Variants in MOB3C observed in about 807,000 individuals in gnomAD.
MOB3C encodes the protein MOB1, Mps One Binder kinase activator-like 2C.
In MOB3C, 17 loss-of-function variants were observed where a neutral mutation model predicts 19.8. The observed-to-expected ratio is 0.86, with a 90% CI of 0.59 to 1.29. The LOEUF is 1.29. Ranked by LOEUF, MOB3C falls within the 50% of genes most tolerant of loss-of-function variation. MOB3C has a pLI of 0.00. For missense variants in MOB3C, 291 were observed against 301.9 expected, an observed-to-expected ratio of 0.96 and a Z score of 0.27; for synonymous variants, 101 against 119.2, an observed-to-expected ratio of 0.85 and a Z score of 0.99.
At chr1:46,609,923 T>A (rs1675433502) in intron 3 of MOB3C, 79 bp downstream of exon 3, 2 of 1,522,668 alleles carry the variant, frequency 1.3e-6, no homozygotes, top group South Asian at 2.3e-5. Context: ...GCGTTGGAGT[T>A]ACTTAAAGCA....
chr1:46,607,823 C>G lies in MOB3C; in HGVS notation c.*1832G>C, dbSNP rs1250947070. 6.6e-6 allele frequency: 1 copy of G among 152,224 alleles called. No individual in the cohort carries two copies. Among genetic ancestry groups the G allele is most frequent in the Admixed American group, 6.5e-5 (1 of 15,284 alleles). 9.4% of individuals were successfully genotyped at this position (152,224 alleles called of 1,614,324 possible). A position where few individuals can be genotyped will look rare whatever the true frequency, so the allele number is the denominator to read the frequency against. ...CCCTCCCCCTATCCCAGAAATCAGC[C>G]CTTGCCACAGCCTAGAATCCATCAT... is the stretch of plus-strand genomic sequence containing the variant. On this transcript the variant is annotated 3_prime_UTR_variant, in exon 4 of 4. Coordinates refer to ENST00000319928, the MANE Select transcript of MOB3C (RefSeq NM_201403.3).
At position 46,613,248 on chromosome 1, in the gene MOB3C, G is replaced by C. The variant is rs1311066634; in HGVS notation, c.74C>G (p.Thr25Arg). The stretch of plus-strand genomic sequence containing the variant: ...CTTCTTGTACAGCTCAAAGCGCTGT[G>C]TGCCCGGCTCAAAGCGCTTCCGCGG... The part of the protein sequence containing the change: ...FRPRKRFEPG[T>R]QRFELYKKAQ... The change falls in exon 2 of 4, where the codon ACA (threonine) becomes AGA (arginine). Residue 25 changes from threonine to arginine, a missense_variant. By Grantham distance (71) the Thr-to-Arg change is moderately conservative. Transcript: ENST00000319928. 3 of 1,613,922 alleles carry C rather than the reference G, an allele frequency of 1.9e-6. No individual in the cohort carries two copies. The highest frequency in any genetic ancestry group is 2.5e-6 in the Non-Finnish European group (3 of 1,180,040).
chr1:46,615,172 G>GC, intron 1 of MOB3C: 1 of 943,128 alleles, frequency 1.1e-6, no homozygotes, highest in South Asian at 1.4e-5. Context: ...ACATTGCATG[G>GC]CCCCCTTTAT....
chr1:46,615,174 C>T, intron 1 of MOB3C: 1 of 921,310 alleles, frequency 1.1e-6, no homozygotes, highest in South Asian at 1.5e-5. Context: ...ATTGCATGGC[C>T]CCCTTTATGA....
rs1237108689 is a variant in MOB3C at position 46,613,011 on chromosome 1, C to T, written c.311G>A (p.Arg104His). Residue 104 changes from arginine to histidine, a missense_variant, in exon 2 of 4, where the codon CGC becomes CAC. By Grantham distance (29) the Arg-to-His change is conservative. Coordinates refer to ENST00000319928, the MANE Select transcript of MOB3C (RefSeq NM_201403.3). ...GAGCTTGGCGGGCCGCCGGTACTGG[C>T]GCTCGTCCTGCCAGCGGTACTCGTA... The part of the protein sequence containing the change: ...PRYEYRWQDE[R>H]QYRRPAKLSA... 8 of 1,613,286 alleles carry T rather than the reference C, an allele frequency of 5.0e-6. No individual in the cohort carries two copies. The highest frequency in any genetic ancestry group is 5.1e-6 in the Non-Finnish European group (6 of 1,179,548).
chr1:46,613,105 G>A lies in MOB3C; in HGVS notation c.217C>T (p.Leu73Phe). ...CGCTCCGCCATAGTGCCGTAGATGA[G>A]GTTGATGCGGTTGAAGAAGTCCACC... ...HVVDFFNRIN[L>F]IYGTMAERCS... The change falls in exon 2 of 4, where the codon CTC (leucine) becomes TTC (phenylalanine). Residue 73 changes from leucine (L) to phenylalanine (F), a missense_variant. Physicochemically the swap from Leu to Phe is conservative, Grantham distance 22. Transcript: ENST00000319928. 1 of 1,614,254 alleles carries A rather than the reference G, an allele frequency of 6.2e-7. No individual in the cohort carries two copies.
At chr1:46,614,840 G>T in intron 1 of MOB3C, 1 of 640,492 alleles carries the variant, frequency 1.6e-6, no homozygotes, top group Non-Finnish European at 2.7e-6. Flanking sequence ...CTGGGGAGCT[G>T]TTTGAGACAA....
chr1:46,615,465 C>A (rs6681420), intron 1 of MOB3C: 5,877 of 199,424 alleles, frequency 0.029, 350 homozygotes, highest in African/African-American at 0.13. Flanking sequence ...CATCCCCAAC[C>A]CACCCCCAGC....
rs1570379080 is a variant in MOB3C at position 46,609,486 on chromosome 1, G to A, written c.*169C>T. 16 of 788,008 alleles carry A rather than the reference G, an allele frequency of 2.0e-5. No individual in the cohort carries two copies. Among genetic ancestry groups the A allele is most frequent in the East Asian group, 8.0e-5 (3 of 37,456 alleles). 48.8% of individuals were successfully genotyped at this position (788,008 alleles called of 1,614,324 possible). The stretch of plus-strand genomic sequence containing the variant: ...GCTCTCCCCTTCTCCATCCACAAGC[G>A]GTCAGGGCGACAGGTAGGCAGACTC... On this transcript the variant is annotated 3_prime_UTR_variant, in exon 4 of 4. Coordinates refer to ENST00000319928, the MANE Select transcript of MOB3C (RefSeq NM_201403.3).
At position 46,609,676 on chromosome 1, in the gene MOB3C, C is replaced by T. The variant is rs1675428562; in HGVS notation, c.630G>A (p.Met210Ile). 6.2e-7 allele frequency: 1 copy of T among 1,614,124 alleles called. No individual in the cohort carries two copies. The highest frequency in any genetic ancestry group is 8.5e-7 in the Non-Finnish European group (1 of 1,179,972). Residue 210 changes from methionine (M) to isoleucine (I), a missense_variant, in exon 4 of 4, where the codon ATG (methionine) becomes ATA (isoleucine). Transcript: ENST00000319928. ...GGGCTCAGTGGCAGATCCGCTCTGTCATCTCCCTCTGTAGAGACACAAGGT... is the reference window on the plus strand; with the variant it reads ...GGGCTCAGTGGCAGATCCGCTCTGTTATCTCCCTCTGTAGAGACACAAGGT... Reference protein sequence around the residue: ...DQRELEPLREMTERICH With the variant: ...DQRELEPLREITERICH
At position 46,612,976 on chromosome 1, in the gene MOB3C, G is replaced by A. The variant is rs1258929543; in HGVS notation, c.346C>T (p.Arg116Cys). ...YRRPAKLSAP[R>C]YMALLMDWIE... ...CAGTCCATGAGCAATGCCATATAGC[G>A]CGGCGCAGAGAGCTTGGCGGGCCGC... The change falls in exon 2 of 4, where the codon CGC becomes TGC. Residue 116 changes from arginine (R) to cysteine (C), a missense_variant. By Grantham distance (180) the Arg-to-Cys change is radical. Coordinates refer to ENST00000319928, the MANE Select transcript of MOB3C (RefSeq NM_201403.3). 1.9e-6 allele frequency: 3 copies of A among 1,610,174 alleles called. No individual in the cohort carries two copies. The highest frequency in any genetic ancestry group is 1.7e-5 in the Admixed American group (1 of 59,750).
In MOB3C at chr1:46,613,269, C is replaced by T. The variant is rs756939338; in HGVS notation, c.53G>A (p.Arg18Gln). The T allele has an allele frequency of 6.2e-7, 1 of 1,612,962 alleles. No homozygotes were observed. Among genetic ancestry groups the T allele is most frequent in the Non-Finnish European group, 8.5e-7 (1 of 1,180,032 alleles). The change falls in exon 2 of 4, where the codon CGG becomes CAG. Residue 18 changes from arginine to glutamine, a missense_variant. Transcript: ENST00000319928. ...CTGTGTGCCCGGCTCAAAGCGCTTC[C>T]GCGGCCGGAACGTCTTGTCCTTGGC... The part of the protein sequence containing the change: ...VFAKDKTFRP[R>Q]KRFEPGTQRF...
rs769205622 is a variant in MOB3C at position 46,610,070 on chromosome 1, A to G, written c.553T>C (p.Cys185Arg). The change falls in exon 3 of 4, where the codon TGC becomes CGC. Residue 185 changes from cysteine (C) to arginine (R), a missense_variant. Physicochemically the swap from Cys to Arg is radical, Grantham distance 180. Coordinates refer to ENST00000319928, the MANE Select transcript of MOB3C (RefSeq NM_201403.3). ...ATGAAGTAGTAGAAGTGCTTGTAGCAGGTGTTGACGTGCGCCTCTGCCCCC... is the reference window on the plus strand; with the variant it reads ...ATGAAGTAGTAGAAGTGCTTGTAGCGGGTGTTGACGTGCGCCTCTGCCCCC... Reference protein sequence around the residue: ...SMGAEAHVNTCYKHFYYFIRE... With the variant: ...SMGAEAHVNTRYKHFYYFIRE... 1.2e-6 allele frequency: 2 copies of G among 1,614,242 alleles called. No individual in the cohort carries two copies. Among genetic ancestry groups the G allele is most frequent in the Non-Finnish European group, 1.7e-6 (2 of 1,180,044 alleles).
Position 46,612,978 on chromosome 1 carries a change from G to A in MOB3C, c.344C>T (p.Pro115Leu). 1.2e-6 allele frequency: 2 copies of A among 1,610,726 alleles called. No homozygotes were observed. The highest frequency in any genetic ancestry group is 1.3e-5 in the African/African-American group (1 of 74,998). Residue 115 changes from proline (P) to leucine (L), a missense_variant, in exon 2 of 4, where the codon CCG becomes CTG. Coordinates refer to ENST00000319928, the MANE Select transcript of MOB3C (RefSeq NM_201403.3). ...QYRRPAKLSA[P>L]RYMALLMDWI... Reference sequence around the variant, plus strand: ...GTCCATGAGCAATGCCATATAGCGCGGCGCAGAGAGCTTGGCGGGCCGCCG... The same window carrying A: ...GTCCATGAGCAATGCCATATAGCGCAGCGCAGAGAGCTTGGCGGGCCGCCG...
intron 1 of MOB3C, chr1:46,614,407 G>C (rs1675528627): frequency 6.5e-6 from 1 of 152,776 alleles, no homozygotes; most frequent in Non-Finnish European, 1.5e-5. Context: ...GCTATAGCTA[G>C]GTTTCTAAGA....
chr1:46,615,749 A>G (rs914770367), intron 1 of MOB3C: 7 of 152,332 alleles, frequency 4.6e-5, no homozygotes, highest in African/African-American at 1.4e-4. Flanking sequence ...TGGCTCATCA[A>G]TGGTCTGGTG....
rs765320718 is a variant in MOB3C, at chr1:46,613,111, T to C, written c.211A>G (p.Ile71Val). The C allele has an allele frequency of 1.2e-6, 2 of 1,614,234 alleles. No individual in the cohort carries two copies. Among genetic ancestry groups the C allele is most frequent in the South Asian group, 1.1e-5 (1 of 91,090 alleles). ...AVHVVDFFNR[I>V]NLIYGTMAER... ...GCCATAGTGCCGTAGATGAGGTTGA[T>C]GCGGTTGAAGAAGTCCACCACGTGC... is the stretch of plus-strand genomic sequence containing the variant. The change falls in exon 2 of 4, where the codon ATC becomes GTC. Residue 71 changes from isoleucine (I) to valine (V), a missense_variant. Ile to Val is a conservative substitution (Grantham distance 29, BLOSUM62 3). Coordinates refer to ENST00000319928, the MANE Select transcript of MOB3C (RefSeq NM_201403.3).
rs566258784 is a variant in MOB3C, at chr1:46,612,954, T to C, written c.368A>G (p.Asp123Gly). The C allele has an allele frequency of 1.9e-6, 3 of 1,594,012 alleles. No homozygotes were observed. Among genetic ancestry groups the C allele is most frequent in the Admixed American group, 1.7e-5 (1 of 58,500 alleles). The change falls in exon 2 of 4, where the codon GAC (aspartate) becomes GGC (glycine). Residue 123 changes from aspartate (D) to glycine (G), a missense_variant. Transcript: ENST00000319928. ...SAPRYMALLM[D>G]WIEGLINDEE... ...GTCGTTGATGAGGCCTTCGATCCAG[T>C]CCATGAGCAATGCCATATAGCGCGG...
chr1:46,610,930 T>TA (rs1675454420), intron 2 of MOB3C, among the ~76,000 whole-genome samples: 1 of 152,160 alleles, frequency 6.6e-6, no homozygotes, highest in Non-Finnish European at 1.5e-5. Flanking sequence ...TGGGTCCATT[T>TA]AAAAAATCCC....
Sources: allele counts gnomAD v4.1 joint callset (sites outside exome capture counted in the v4.1 genomes callset), GRCh38; gene constraint gnomAD v4.1.1; transcripts MANE v1.5; gene names NCBI Gene and HGNC (gene_info 2026-07-23, HGNC 2026-07-21).